Variants in LRRC4 observed in about 807,000 individuals in gnomAD.
LRRC4 encodes the protein leucine rich repeat containing 4, also known as leucine-rich repeat-containing protein 4.
LRRC4 carries 11 observed loss-of-function variants against 37.9 expected under a neutral mutation model. That is an observed-to-expected ratio of 0.29 (90% CI 0.18 to 0.48). The LOEUF is 0.48. Ranked by LOEUF, LRRC4 falls within the 20% of genes least tolerant of loss-of-function variation. The pLI, the probability that LRRC4 is intolerant of heterozygous loss-of-function variation, is 0.99. For missense variants in LRRC4, 717 were observed against 842.1 expected, an observed-to-expected ratio of 0.85 and a Z score of 1.84; for synonymous variants, 404 against 346.7, an observed-to-expected ratio of 1.17 and a Z score of -1.84.
Position 128,029,012 on chromosome 7 carries a change from C to T in LRRC4, c.1629G>A (p.Met543Ile). 1 of 1,613,670 alleles carries T rather than the reference C, an allele frequency of 6.2e-7. No individual in the cohort carries two copies. Residue 543 changes from methionine (M) to isoleucine (I), a missense_variant, in exon 2 of 2, where the codon ATG (methionine) becomes ATA (isoleucine). Met to Ile is a conservative substitution (Grantham distance 10, BLOSUM62 1). This residue lies in a region of LRRC4 where 19 missense variants were observed against 40.7 expected (regional missense o/e 0.47). Coordinates refer to ENST00000249363, the MANE Select transcript of LRRC4 (RefSeq NM_022143.5). The surrounding 1 kb of genome is among the most constrained non-coding windows in gnomAD (Gnocchi z 4.2). Reference protein sequence around the residue: ...FVAVTLLAAAMLIVFYKLRKR... With the variant: ...FVAVTLLAAAILIVFYKLRKR... ...TACGAAGTTTATAGAAGACAATCAA[C>T]ATGGCGGCAGCTAGCAGAGTCACTG... is the stretch of plus-strand genomic sequence containing the variant.
In LRRC4 at chr7:128,028,490, C is replaced by A; in HGVS notation, c.*189G>T. 11 of 540,802 alleles carry A rather than the reference C, an allele frequency of 2.0e-5. No homozygotes were observed. Among genetic ancestry groups the A allele is most frequent in the Middle Eastern group, 5.4e-4 (1 of 1,860 alleles). The allele number at this position is 540,802 out of a possible 1,614,324, so 33.5% of individuals were successfully genotyped here. A position where few individuals can be genotyped will look rare whatever the true frequency, so the allele number is the denominator to read the frequency against. ...TCCCCCCCACCCCCTTTAAATAGAA[C>A]TTACAAGTTAGAAAATATTTTTGTT... On this transcript the variant is annotated 3_prime_UTR_variant, in exon 2 of 2. Coordinates refer to ENST00000249363, the MANE Select transcript of LRRC4 (RefSeq NM_022143.5).
chr7:128,029,446 G>C lies in LRRC4; in HGVS notation c.1195C>G (p.Pro399Ala). The change falls in exon 2 of 2, where the codon CCA becomes GCA. Residue 399 changes from proline (P) to alanine (A), a missense_variant. By Grantham distance (27) the Pro-to-Ala change is conservative. Around this residue, in one of 5 missense-constraint regions of LRRC4, gnomAD observed 293 missense variants for 268.3 expected, o/e 1.09. Coordinates refer to ENST00000249363, the MANE Select transcript of LRRC4 (RefSeq NM_022143.5). The surrounding 1 kb of genome is among the most constrained non-coding windows in gnomAD (Gnocchi z 4.2). The stretch of plus-strand genomic sequence containing the variant: ...CCGTCGTTGAGGACAGAGATCCTTG[G>C]GTGGCGGGAGGCGTGGCTGAGCACT... ...GTVLSHASRHPRISVLNDGTL... is the reference protein window; with the variant it reads ...GTVLSHASRHARISVLNDGTL... The C allele has an allele frequency of 6.2e-7, 1 of 1,614,210 alleles. No homozygotes were observed. The highest frequency in any genetic ancestry group is 8.5e-7 in the Non-Finnish European group (1 of 1,180,034).
In LRRC4 at chr7:128,030,482, ACTG is replaced by A; in HGVS notation, c.156_158del (p.Ser53del). 6.2e-7 allele frequency: 1 copy of A among 1,613,570 alleles called. No homozygotes were observed. Among genetic ancestry groups the A allele is most frequent in the Non-Finnish European group, 8.5e-7 (1 of 1,179,970 alleles). On this transcript the variant is annotated inframe_deletion, in exon 2 of 2. Coordinates refer to ENST00000249363, the MANE Select transcript of LRRC4 (RefSeq NM_022143.5). ...TGCACACCACCTTGCTGAACTGGTT[ACTG>A]CACGAGCAGACGGAGGGGCAGTTCT...
In LRRC4 at chr7:128,028,950, C is replaced by A; in HGVS notation, c.1691G>T (p.Arg564Leu). ...GTCCACCTGGATTATCTCAACAGTC[C>A]GGGCGGCTGTGACTGTACTCCGCTG... ...HQQRSTVTAARTVEIIQVDED... is the reference protein window; with the variant it reads ...HQQRSTVTAALTVEIIQVDED... Residue 564 changes from arginine to leucine, a missense_variant, in exon 2 of 2, where the codon CGG becomes CTG. Arg to Leu is a moderately radical substitution (Grantham distance 102, BLOSUM62 -2). Coordinates refer to ENST00000249363, the MANE Select transcript of LRRC4 (RefSeq NM_022143.5). 1 of 1,607,896 alleles carries A rather than the reference C, an allele frequency of 6.2e-7. No individual in the cohort carries two copies. The highest frequency in any genetic ancestry group is 1.1e-5 in the South Asian group (1 of 90,384).
In LRRC4 at chr7:128,028,618, C is replaced by A; in HGVS notation, c.*61G>T. On this transcript the variant is annotated 3_prime_UTR_variant, in exon 2 of 2. Transcript: ENST00000249363. The stretch of plus-strand genomic sequence containing the variant: ...AGAAAAAGTCTCTCCCCACTCTGTA[C>A]AAAAGTTGCTGTCTTTGTGTGCATT... 6.7e-7 allele frequency: 1 copy of A among 1,494,862 alleles called. No homozygotes were observed. The highest frequency in any genetic ancestry group is 9.1e-7 in the Non-Finnish European group (1 of 1,099,254). The allele number at this position is 1,494,862 out of a possible 1,614,324, so 92.6% of individuals were successfully genotyped here.
upstream of LRRC4, chr7:128,031,532 A>C (rs921496127): frequency 6.6e-6 from 1 of 150,890 alleles, no homozygotes; most frequent in African/African-American, 2.4e-5. Context: ...CTCTTCTCGG[A>C]GGGTGGAAGA....
chr7:128,030,546 C>T lies in LRRC4; in HGVS notation c.95G>A (p.Cys32Tyr). The T allele has an allele frequency of 1.9e-6, 3 of 1,613,310 alleles. No homozygotes were observed. Among genetic ancestry groups the T allele is most frequent in the Non-Finnish European group, 2.5e-6 (3 of 1,179,746 alleles). ...VYLTAQVWIL[C>Y]AAIAAAASAG... is the part of the protein sequence containing the mutation. ...TGAGGCGGCAGCAGCGATGGCTGCACACAGAATCCACACTTGCGCCGTGAG... is the reference window on the plus strand; with the variant it reads ...TGAGGCGGCAGCAGCGATGGCTGCATACAGAATCCACACTTGCGCCGTGAG... Residue 32 changes from cysteine (C) to tyrosine (Y), a missense_variant, in exon 2 of 2, where the codon TGT (cysteine) becomes TAT (tyrosine). Physicochemically the swap from Cys to Tyr is radical, Grantham distance 194. This residue lies in a region of LRRC4 where 127 missense variants were observed against 134.8 expected (regional missense o/e 0.94). Transcript: ENST00000249363.
Position 128,028,725 on chromosome 7 carries a change from A to G in LRRC4, c.1916T>C (p.Ile639Thr). The change falls in exon 2 of 2, where the codon ATA becomes ACA. Residue 639 changes from isoleucine (I) to threonine (T), a missense_variant. Around this residue, in one of 5 missense-constraint regions of LRRC4, gnomAD observed 140 missense variants for 137.2 expected, o/e 1.02. Transcript: ENST00000249363. The stretch of plus-strand genomic sequence containing the variant: ...CTTGTCCTTGGTATGGGTCTGAATT[A>G]TATAAGGTTCAGAGATAGTGGTGAC... ...PTVTTISEPY[I>T]IQTHTKDKVQ... 6.2e-7 allele frequency: 1 copy of G among 1,614,028 alleles called. No homozygotes were observed. Among genetic ancestry groups the G allele is most frequent in the Non-Finnish European group, 8.5e-7 (1 of 1,179,974 alleles).
Position 128,028,711 on chromosome 7 carries a change from T to G in LRRC4, c.1930A>C (p.Thr644Pro). The change falls in exon 2 of 2, where the codon ACC becomes CCC. Residue 644 changes from threonine to proline, a missense_variant. Transcript: ENST00000249363. Reference sequence around the variant, plus strand: ...TGAGTTTCCTGTACCTTGTCCTTGGTATGGGTCTGAATTATATAAGGTTCA... The same window carrying G: ...TGAGTTTCCTGTACCTTGTCCTTGGGATGGGTCTGAATTATATAAGGTTCA... ...ISEPYIIQTHTKDKVQETQI is the reference protein window; with the variant it reads ...ISEPYIIQTHPKDKVQETQI 6.2e-7 allele frequency: 1 copy of G among 1,613,842 alleles called. No homozygotes were observed. The highest frequency in any genetic ancestry group is 1.1e-5 in the South Asian group (1 of 91,060).
In LRRC4 at chr7:128,029,545, C is replaced by G; in HGVS notation, c.1096G>C (p.Glu366Gln). The G allele has an allele frequency of 6.2e-7, 1 of 1,614,084 alleles. No individual in the cohort carries two copies. The highest frequency in any genetic ancestry group is 1.1e-5 in the South Asian group (1 of 91,074). Reference sequence around the variant, plus strand: ...CACTTAAGTTCTGCCATCCGACCCTCAGAAATGTTGAGGTCTCGAGGTGCG... The same window carrying G: ...CACTTAAGTTCTGCCATCCGACCCTGAGAAATGTTGAGGTCTCGAGGTGCG... ...MDAPRDLNISEGRMAELKCRT... is the reference protein window; with the variant it reads ...MDAPRDLNISQGRMAELKCRT... The change falls in exon 2 of 2, where the codon GAG becomes CAG. Residue 366 changes from glutamate to glutamine, a missense_variant. Physicochemically the swap from Glu to Gln is conservative, Grantham distance 29. This residue lies in a region of LRRC4 where 293 missense variants were observed against 268.3 expected (regional missense o/e 1.09). Transcript: ENST00000249363. This position sits in a 1 kb window ranked among gnomAD's most constrained non-coding sequence, Gnocchi z 4.2.
rs530299854 is a variant in LRRC4, at chr7:128,030,920, G to A, written c.-108C>T. The A allele has an allele frequency of 6.0e-4, 204 of 342,448 alleles. 1 individual carries two copies. Among genetic ancestry groups the A allele is most frequent in the Admixed American group, 3.2e-3 (72 of 22,658 alleles). The allele number at this position is 342,448 out of a possible 1,614,324, so 21.2% of individuals were successfully genotyped here. A position where few individuals can be genotyped will look rare whatever the true frequency, so the allele number is the denominator to read the frequency against. ...CAGTTCGCCGTCACCTACCTCGGAA[G>A]GAAGGCAGGAAAGCACTGGCGTGGT... is the stretch of plus-strand genomic sequence containing the variant. On this transcript the variant is annotated 5_prime_UTR_variant, in exon 1 of 2. Coordinates refer to ENST00000249363, the MANE Select transcript of LRRC4 (RefSeq NM_022143.5).
Position 128,029,243 on chromosome 7 carries a change from A to T in LRRC4, c.1398T>A (p.Pro466=). 1 of 1,614,106 alleles carries T rather than the reference A, an allele frequency of 6.2e-7. No individual in the cohort carries two copies. Among genetic ancestry groups the T allele is most frequent in the African/African-American group, 1.3e-5 (1 of 75,018 alleles). ...TVTVETTEIS[P]EDTTRKYKPV... ...GCTTGTACTTTCGCGTTGTGTCCTCAGGCGAGATCTCCGTGGTCTCCACTG... is the reference window on the plus strand; with the variant it reads ...GCTTGTACTTTCGCGTTGTGTCCTCTGGCGAGATCTCCGTGGTCTCCACTG... Residue 466 remains proline, a synonymous_variant, in exon 2 of 2, where the codon CCT becomes CCA. Coordinates refer to ENST00000249363, the MANE Select transcript of LRRC4 (RefSeq NM_022143.5). The surrounding 1 kb of genome is among the most constrained non-coding windows in gnomAD (Gnocchi z 4.2).
chr7:128,031,338 G>C lies in LRRC4; in HGVS notation c.-526C>G, dbSNP rs1458924833. Among the ~76,000 whole-genome samples, 1 of 151,872 alleles carries C rather than the reference G, an allele frequency of 6.6e-6. No individual in the cohort carries two copies. The highest frequency in any genetic ancestry group is 6.6e-5 in the Admixed American group (1 of 15,260). On this transcript the variant is annotated 5_prime_UTR_variant, in exon 1 of 2. Transcript: ENST00000249363. ...GCTCTGCGGGCCGCCGCCGGAGGGA[G>C]TGCGGGGGCGCCCCGAAGCCGCCCA... is the stretch of plus-strand genomic sequence containing the variant.
Position 128,029,419 on chromosome 7 carries a change from T to G in LRRC4, c.1222A>C (p.Thr408Pro). ...AGCAGCACGTGGGAAAAGTTCAAGGTGCCGTCGTTGAGGACAGAGATCCTT... is the reference window on the plus strand; with the variant it reads ...AGCAGCACGTGGGAAAAGTTCAAGGGGCCGTCGTTGAGGACAGAGATCCTT... The part of the protein sequence containing the change: ...HPRISVLNDG[T>P]LNFSHVLLSD... Residue 408 changes from threonine to proline, a missense_variant, in exon 2 of 2, where the codon ACC becomes CCC. Physicochemically the swap from Thr to Pro is conservative, Grantham distance 38 (BLOSUM62 -1). Around this residue, in one of 5 missense-constraint regions of LRRC4, gnomAD observed 293 missense variants for 268.3 expected, o/e 1.09. Coordinates refer to ENST00000249363, the MANE Select transcript of LRRC4 (RefSeq NM_022143.5). This position sits in a 1 kb window ranked among gnomAD's most constrained non-coding sequence, Gnocchi z 4.2. The G allele has an allele frequency of 6.2e-7, 1 of 1,614,168 alleles. No individual in the cohort carries two copies. Among genetic ancestry groups the G allele is most frequent in the Middle Eastern group, 1.6e-4 (1 of 6,062 alleles).
Position 128,028,914 on chromosome 7 carries a change from G to T in LRRC4, c.1727C>A (p.Pro576Gln). The T allele has an allele frequency of 6.2e-7, 1 of 1,612,734 alleles. No homozygotes were observed. Among genetic ancestry groups the T allele is most frequent in the Non-Finnish European group, 8.5e-7 (1 of 1,179,148 alleles). Reference sequence around the variant, plus strand: ...TGTTGCTGCTGCGGATGTTGCTGCTGGGATGTCTTCGTCCACCTGGATTAT... The same window carrying T: ...TGTTGCTGCTGCGGATGTTGCTGCTTGGATGTCTTCGTCCACCTGGATTAT... ...VEIIQVDEDI[P>Q]AATSAAATAA... Residue 576 changes from proline to glutamine, a missense_variant, in exon 2 of 2, where the codon CCA becomes CAA. By Grantham distance (76) the Pro-to-Gln change is moderately conservative. This residue lies in a region of LRRC4 where 140 missense variants were observed against 137.2 expected (regional missense o/e 1.02). Coordinates refer to ENST00000249363, the MANE Select transcript of LRRC4 (RefSeq NM_022143.5).
Position 128,028,916 on chromosome 7 carries a change from G to A in LRRC4, c.1725C>T (p.Ile575=). The change falls in exon 2 of 2, where the codon ATC becomes ATT. Residue 575 remains isoleucine, a synonymous_variant. Transcript: ENST00000249363. ...TTGCTGCTGCGGATGTTGCTGCTGG[G>A]ATGTCTTCGTCCACCTGGATTATCT... ...TVEIIQVDED[I]PAATSAAATA... The A allele has an allele frequency of 6.2e-7, 1 of 1,612,306 alleles. No individual in the cohort carries two copies.
chr7:128,030,526 C>T lies in LRRC4; in HGVS notation c.115G>A (p.Ala39Thr), dbSNP rs779286066. ...WILCAAIAAA[A>T]SAGPQNCPSV... is the part of the protein sequence containing the mutation. Reference sequence around the variant, plus strand: ...GGGCAGTTCTGGGGCCCGGCTGAGGCGGCAGCAGCGATGGCTGCACACAGA... The same window carrying T: ...GGGCAGTTCTGGGGCCCGGCTGAGGTGGCAGCAGCGATGGCTGCACACAGA... The change falls in exon 2 of 2, where the codon GCC becomes ACC. Residue 39 changes from alanine to threonine, a missense_variant. Ala to Thr is a moderately conservative substitution (Grantham distance 58). Coordinates refer to ENST00000249363, the MANE Select transcript of LRRC4 (RefSeq NM_022143.5). 3 of 1,613,154 alleles carry T rather than the reference C, an allele frequency of 1.9e-6. No homozygotes were observed. Among genetic ancestry groups the T allele is most frequent in the African/African-American group, 2.7e-5 (2 of 74,918 alleles).
In LRRC4 at chr7:128,027,087, A is replaced by T. The variant is rs528839866; in HGVS notation, c.*1592T>A. On this transcript the variant is annotated 3_prime_UTR_variant, in exon 2 of 2. Coordinates refer to ENST00000249363, the MANE Select transcript of LRRC4 (RefSeq NM_022143.5). ...GACATTGAATTAAAAATTCAACAAT[A>T]TTTATTAAAATACAAAAATACACTT... The T allele has an allele frequency of 6.6e-6, 1 of 152,574 alleles. No homozygotes were observed. The highest frequency in any genetic ancestry group is 2.1e-4 in the South Asian group (1 of 4,832). The allele number at this position is 152,574 out of a possible 1,614,324, so 9.5% of individuals were successfully genotyped here.
rs1792578257 is a variant in LRRC4, at chr7:128,031,061, A to AGGGGG, written c.-250_-249insCCCCC. The AGGGGG allele has an allele frequency of 4.9e-5, 1 of 20,602 alleles. No individual in the cohort carries two copies. The highest frequency in any genetic ancestry group is 1.7e-4 in the African/African-American group (1 of 5,730). 1.3% of individuals were successfully genotyped at this position (20,602 alleles called of 1,614,324 possible). A position where few individuals can be genotyped will look rare whatever the true frequency, so the allele number is the denominator to read the frequency against. On this transcript the variant is annotated 5_prime_UTR_variant, in exon 1 of 2. Coordinates refer to ENST00000249363, the MANE Select transcript of LRRC4 (RefSeq NM_022143.5). ...GGGAGGGCAGAGGGGAGGGGAGGGG[A>AGGGGG]GGGGAGGGAAGGGGTGGGGGAGACA...
Sources: gnomAD v4.1 joint callset for allele counts (sites outside exome capture counted in the v4.1 genomes callset) on GRCh38, gnomAD v4.1.1 for gene constraint, gnomAD v4.1.1 regional missense constraint, Gnocchi (gnomAD v3.1) non-coding constraint, MANE v1.5 for transcripts, NCBI Gene and HGNC (gene_info 2026-07-23, HGNC 2026-07-21) for gene names.